The following CDK6 variants were observed in gnomAD, a reference collection of about 807,000 sequenced individuals.
CDK6 encodes the protein cyclin dependent kinase 6, also known as cyclin-dependent kinase 6.
A neutral mutation model predicts 37.1 loss-of-function variants in CDK6; 6 were observed. That is an observed-to-expected ratio of 0.16 (90% CI 0.09 to 0.32). The LOEUF is 0.32. CDK6 is among the 10% of genes least tolerant of loss of function. The pLI, the probability that CDK6 is intolerant of heterozygous loss-of-function variation, is 1.00. For synonymous variants in CDK6, 160 were observed against 161.3 expected (o/e 0.99, Z 0.06); for missense variants, 224 against 418.9 (o/e 0.53, Z 4.06).
At chr7:92,832,344 A>G (rs543712121) in intron 2 of CDK6, among the ~76,000 whole-genome samples, 12 of 152,354 alleles carry the variant, frequency 7.9e-5, no homozygotes, top group Admixed American at 2.0e-4. Flanking sequence ...TGGGCAGAAC[A>G]TTTATGATCT....
At chr7:92,682,710 CA>C (rs1304889684) in intron 4 of CDK6, among the ~76,000 whole-genome samples, 1 of 152,178 alleles carries the variant, frequency 6.6e-6, no homozygotes, top group African/African-American at 2.4e-5. Context: ...AGGGATAACA[CA>C]GGGCAGGACA....
intron 7 of CDK6, among the ~76,000 whole-genome samples, chr7:92,615,679 A>C (rs1316041819): frequency 6.6e-6 from 1 of 152,198 alleles, no homozygotes; most frequent in Non-Finnish European, 1.5e-5. Context: ...TTTAATTAAT[A>C]CCAAGGTGCC....
Position 92,730,860 on chromosome 7 carries a change from CTT to C in CDK6, c.370-5069_370-5068del, listed in dbSNP as rs1180255502. On this transcript the variant is annotated intron_variant, in intron 3 of 7. Coordinates refer to ENST00000424848, the MANE Select transcript of CDK6 (RefSeq NM_001145306.2). ...TATGAACACAGGTGTAGAATGATCTCTTTGTGACTCTGCTTTCAATTTTTTTG... is the reference window on the plus strand; with the variant it reads ...TATGAACACAGGTGTAGAATGATCTCTGTGACTCTGCTTTCAATTTTTTTG... Among the ~76,000 whole-genome samples, 3 of 152,254 alleles carry C rather than the reference CTT, an allele frequency of 2.0e-5. No homozygotes were observed. The East Asian group carries it at 5.8e-4, about 29-fold the overall frequency.
intron 4 of CDK6, among the ~76,000 whole-genome samples, chr7:92,688,634 G>C (rs942596532): frequency 4.7e-5 from 5 of 106,788 alleles, no homozygotes; most frequent in Non-Finnish European, 1.0e-4. Context: ...CACACACACA[G>C]AGTTCTTAGA....
chr7:92,836,018 A>AG (rs1206643234), intron 1 of CDK6, among the ~76,000 whole-genome samples: 2 of 152,230 alleles, frequency 1.3e-5, no homozygotes, highest in Non-Finnish European at 2.9e-5. Flanking sequence ...CGAGCTGGAG[A>AG]GGGAGTTTTC....
intron 2 of CDK6, among the ~76,000 whole-genome samples, chr7:92,816,328 G>A (rs1167193267): frequency 6.6e-6 from 1 of 152,028 alleles, no homozygotes; most frequent in Non-Finnish European, 1.5e-5. Context: ...GGCCTTAAAG[G>A]AAAACATGGA....
intron 2 of CDK6, among the ~76,000 whole-genome samples, chr7:92,804,099 T>A (rs1800660824): frequency 6.6e-6 from 1 of 152,148 alleles, no homozygotes; most frequent in Admixed American, 6.5e-5. Flanking sequence ...ATACCAACCA[T>A]ATACATTAGG....
intron 5 of CDK6, among the ~76,000 whole-genome samples, chr7:92,644,107 G>A (rs1049520410): frequency 1.3e-5 from 2 of 152,220 alleles, no homozygotes; most frequent in Non-Finnish European, 2.9e-5. Context: ...GTGGTCAGAT[G>A]TGGCACTCAC....
intron 4 of CDK6, among the ~76,000 whole-genome samples, chr7:92,676,956 C>CAA (rs1199410067): frequency 1.5e-5 from 1 of 65,160 alleles, no homozygotes; most frequent in Non-Finnish European, 3.1e-5. Flanking sequence ...GACTCCGTCT[C>CAA]AAAAAAAAAA....
At chr7:92,658,127 T>G (rs900569694) in intron 5 of CDK6, among the ~76,000 whole-genome samples, 1 of 152,218 alleles carries the variant, frequency 6.6e-6, no homozygotes, top group Non-Finnish European at 1.5e-5. Flanking sequence ...TTTGAGAATC[T>G]CAATCCTACC....
At position 92,672,190 on chromosome 7, in the gene CDK6, T is replaced by TACACACACACACACACACAC. The variant is rs71107866; in HGVS notation, c.538-675_538-656dup. ...ATACACACACACACACACAGACACATACACACACACACACACACACACACA... is the reference window on the plus strand; with the variant it reads ...ATACACACACACACACACAGACACATACACACACACACACACACACACACACACACACACACACACACACA... On this transcript the variant is annotated intron_variant, in intron 4 of 7. Coordinates refer to ENST00000424848, the MANE Select transcript of CDK6 (RefSeq NM_001145306.2). 4.0e-4 allele frequency among the ~76,000 whole-genome samples: 25 copies of TACACACACACACACACACAC among 62,768 alleles called. 1 individual carries two copies. The highest frequency in any genetic ancestry group is 1.8e-3 in the East Asian group (3 of 1,696). 41.2% of individuals were successfully genotyped at this position (62,768 alleles called of 152,430 possible). A position where few individuals can be genotyped will look rare whatever the true frequency, so the allele number is the denominator to read the frequency against.
At chr7:92,782,765 G>C (rs918763405) in intron 2 of CDK6, among the ~76,000 whole-genome samples, 1 of 152,118 alleles carries the variant, frequency 6.6e-6, no homozygotes, top group African/African-American at 2.4e-5. Context: ...TCAGTGTTTT[G>C]CTTATCCAGC....
chr7:92,729,768 G>A (rs1798599860), intron 3 of CDK6, among the ~76,000 whole-genome samples: 1 of 152,160 alleles, frequency 6.6e-6, no homozygotes, highest in South Asian at 2.1e-4. Flanking sequence ...TCTTTTTAGA[G>A]GCAGGGTCTT....
At chr7:92,673,322 T>A (rs2116608729) in intron 4 of CDK6, among the ~76,000 whole-genome samples, 1 of 152,326 alleles carries the variant, frequency 6.6e-6, no homozygotes, top group South Asian at 2.1e-4. Flanking sequence ...TATGGCAACA[T>A]CAAATTGGAA....
rs2084952330 is a variant in CDK6, at chr7:92,607,402, A to G, written c.*7738T>C. The G allele has an allele frequency of 4.3e-6, 1 of 233,112 alleles. No homozygotes were observed. Among genetic ancestry groups the G allele is most frequent in the Non-Finnish European group, 8.5e-6 (1 of 117,982 alleles). 14.4% of individuals were successfully genotyped at this position (233,112 alleles called of 1,614,324 possible). A position where few individuals can be genotyped will look rare whatever the true frequency, so the allele number is the denominator to read the frequency against. Reference sequence around the variant, plus strand: ...TTTTGCTATATTTTTGCACTCTACTATATGCATATTTAATAAAAACAACTA... The same window carrying G: ...TTTTGCTATATTTTTGCACTCTACTGTATGCATATTTAATAAAAACAACTA... On this transcript the variant is annotated 3_prime_UTR_variant, in exon 8 of 8. Coordinates refer to ENST00000424848, the MANE Select transcript of CDK6 (RefSeq NM_001145306.2).
rs941675354 is a variant in CDK6, at chr7:92,835,943, C to T, written c.-368+535G>A. Among the ~76,000 whole-genome samples, 1 of 152,216 alleles carries T rather than the reference C, an allele frequency of 6.6e-6. No individual in the cohort carries two copies. The highest frequency in any genetic ancestry group is 2.4e-5 in the African/African-American group (1 of 41,448). ...TGCACTTTTCTGTGTATAACACGCCCGCAGGAAGCCTGCGTTAACATTTAT... is the reference window on the plus strand; with the variant it reads ...TGCACTTTTCTGTGTATAACACGCCTGCAGGAAGCCTGCGTTAACATTTAT... On this transcript the variant is annotated intron_variant, in intron 1 of 7. Coordinates refer to ENST00000424848, the MANE Select transcript of CDK6 (RefSeq NM_001145306.2). The surrounding 1 kb of genome is among the most constrained non-coding windows in gnomAD (Gnocchi z 4.2).
At chr7:92,622,551 T>A (rs1284533485) in intron 6 of CDK6, among the ~76,000 whole-genome samples, 1 of 152,174 alleles carries the variant, frequency 6.6e-6, no homozygotes, top group Non-Finnish European at 1.5e-5. Context: ...TCATTTTCTA[T>A]TTTGGTGCTC....
At chr7:92,617,789 A>G (rs1242239003) in intron 7 of CDK6, among the ~76,000 whole-genome samples, 1 of 152,258 alleles carries the variant, frequency 6.6e-6, no homozygotes, top group Non-Finnish European at 1.5e-5. Context: ...AACATATGTC[A>G]AAGTGAATCG....
intron 4 of CDK6, among the ~76,000 whole-genome samples, chr7:92,719,284 T>C (rs895303594): frequency 1.3e-5 from 2 of 152,130 alleles, no homozygotes; most frequent in Admixed American, 6.5e-5. Flanking sequence ...ATGCTTTCCC[T>C]GGCAATTTTT....
Sources: allele counts gnomAD v4.1 joint callset (sites outside exome capture counted in the v4.1 genomes callset), GRCh38; gene constraint gnomAD v4.1.1; non-coding constraint Gnocchi (gnomAD v3.1); transcripts MANE v1.5; gene names NCBI Gene and HGNC (gene_info 2026-07-23, HGNC 2026-07-21).